Variants in ARID1B observed in about 807,000 individuals in gnomAD.
ARID1B encodes the protein AT-rich interaction domain 1B, also known as AT-rich interactive domain-containing protein 1B.
In ARID1B, 30 loss-of-function variants were observed where a neutral mutation model predicts 212.3. The ratio of observed to expected loss-of-function variants is 0.14; its 90% confidence interval spans 0.11 to 0.19. ARID1B has a LOEUF of 0.19. ARID1B is among the 10% of genes least tolerant of loss of function. The pLI is 1.00. For missense variants in ARID1B, 2,891 were observed against 3,204.0 expected (o/e 0.90, Z 2.36); for synonymous variants, 1,402 against 1,301.7 (o/e 1.08, Z -1.66).
intron 4 of ARID1B, among the ~76,000 whole-genome samples, chr6:157,054,053 C>T (rs74932995): frequency 0.28 from 42,144 of 151,938 alleles, 6,162 homozygotes; most frequent in Non-Finnish European, 0.32. Flanking sequence ...GGAGAAACCC[C>T]GTCTCTACTA....
chr6:156,918,498 C>A (rs962224634), intron 3 of ARID1B, among the ~76,000 whole-genome samples: 4 of 152,168 alleles, frequency 2.6e-5, no homozygotes, highest in African/African-American at 7.2e-5. Flanking sequence ...TCAGTAAAAA[C>A]CAGAATATAG....
chr6:156,963,411 T>C (rs1450478054), intron 4 of ARID1B, among the ~76,000 whole-genome samples: 1 of 152,246 alleles, frequency 6.6e-6, no homozygotes, highest in African/African-American at 2.4e-5. Context: ...AGTCGTATTC[T>C]ATGTACTGTT....
chr6:156,940,244 A>G (rs530142629), intron 4 of ARID1B: 21 of 152,294 alleles, frequency 1.4e-4, no homozygotes, highest in Admixed American at 1.2e-3. Flanking sequence ...TTCTATAAAT[A>G]TTGGCTGTTC....
intron 7 of ARID1B, among the ~76,000 whole-genome samples, chr6:157,145,594 T>G (rs1789668694): frequency 6.6e-6 from 1 of 152,220 alleles, no homozygotes; most frequent in African/African-American, 2.4e-5. Flanking sequence ...TGCAGATTTG[T>G]AGGTGATAGA....
chr6:157,180,072 A>T (rs924695876), intron 11 of ARID1B, among the ~76,000 whole-genome samples: 1 of 152,230 alleles, frequency 6.6e-6, no homozygotes, highest in African/African-American at 2.4e-5. Flanking sequence ...CTAGTATTGC[A>T]AATATTGTAA....
At chr6:156,878,436 G>A (rs1028430355) in intron 2 of ARID1B, among the ~76,000 whole-genome samples, 2 of 152,092 alleles carry the variant, frequency 1.3e-5, no homozygotes, top group Admixed American at 6.5e-5. Context: ...CCTCCATATC[G>A]CCCCACTGGC....
chr6:157,073,171 C>T (rs1013887261), intron 4 of ARID1B, among the ~76,000 whole-genome samples: 3 of 148,230 alleles, frequency 2.0e-5, no homozygotes, highest in Admixed American at 6.8e-5. Context: ...GGTACAATCT[C>T]GGCTCACTGC....
At chr6:156,790,253 T>G (rs1292036492) in intron 1 of ARID1B, among the ~76,000 whole-genome samples, 1 of 152,226 alleles carries the variant, frequency 6.6e-6, no homozygotes, top group Non-Finnish European at 1.5e-5. Context: ...CAGTAAACAT[T>G]TAGTGACGTT....
At chr6:156,988,466 T>C (rs183252394) in intron 4 of ARID1B, among the ~76,000 whole-genome samples, 17 of 152,284 alleles carry the variant, frequency 1.1e-4, no homozygotes, top group African/African-American at 4.1e-4. Context: ...GGCTAGTGCA[T>C]CCATGGAGTC....
At chr6:156,913,410 G>A (rs1372264823) in intron 3 of ARID1B, among the ~76,000 whole-genome samples, 2 of 151,512 alleles carry the variant, frequency 1.3e-5, no homozygotes, top group Non-Finnish European at 2.9e-5. Context: ...GTAGAGACAG[G>A]GTTTCACCAT....
intron 6 of ARID1B, among the ~76,000 whole-genome samples, chr6:157,123,507 G>A (rs1055655751): frequency 5.3e-5 from 8 of 152,206 alleles, no homozygotes; most frequent in Admixed American, 1.3e-4. Flanking sequence ...TAGAGGAGGC[G>A]TGGGACAGGC....
intron 4 of ARID1B, among the ~76,000 whole-genome samples, chr6:157,021,504 G>T (rs1325447417): frequency 6.6e-6 from 1 of 152,222 alleles, no homozygotes; most frequent in African/African-American, 2.4e-5. Context: ...CCCGGGCGGG[G>T]GTTCCGGTGC....
intron 2 of ARID1B, among the ~76,000 whole-genome samples, chr6:156,884,079 A>G (rs1308234678): frequency 6.6e-6 from 1 of 152,242 alleles, no homozygotes; most frequent in Non-Finnish European, 1.5e-5. Context: ...GGGAGCAAGA[A>G]AGTAATGTAT....
At chr6:156,923,047 G>A (rs974175030) in intron 3 of ARID1B, among the ~76,000 whole-genome samples, 2 of 152,198 alleles carry the variant, frequency 1.3e-5, no homozygotes, top group African/African-American at 4.8e-5. Context: ...CCATGTCATT[G>A]AAAAGCTGAT....
At chr6:157,122,838 C>T (rs963782643) in intron 6 of ARID1B, among the ~76,000 whole-genome samples, 1 of 152,202 alleles carries the variant, frequency 6.6e-6, no homozygotes, top group African/African-American at 2.4e-5. Context: ...ACCACCACAC[C>T]CAGCTAACTT....
At chr6:156,968,066 T>C (rs1033352166) in intron 4 of ARID1B, among the ~76,000 whole-genome samples, 1 of 152,228 alleles carries the variant, frequency 6.6e-6, no homozygotes, top group Admixed American at 6.5e-5. Flanking sequence ...TGCAGTCTCT[T>C]TCCTGCAGGG....
At chr6:156,940,448 A>AT (rs1792582124) in intron 4 of ARID1B, 2 of 152,222 alleles carry the variant, frequency 1.3e-5, no homozygotes, top group Non-Finnish European at 2.9e-5. Flanking sequence ...TAGATAAAAC[A>AT]TATGTTTTTT....
At chr6:157,172,154 T>C (rs1213503235) in intron 9 of ARID1B, among the ~76,000 whole-genome samples, 1 of 152,214 alleles carries the variant, frequency 6.6e-6, no homozygotes, top group Non-Finnish European at 1.5e-5. Context: ...TATCCTTCTA[T>C]TCTTCTGAAA....
chr6:156,797,980 T>C (rs1054120874), intron 1 of ARID1B, among the ~76,000 whole-genome samples: 1 of 152,182 alleles, frequency 6.6e-6, no homozygotes, highest in Admixed American at 6.5e-5. Flanking sequence ...CACTGAGGAA[T>C]GCCCAGTAAG....
Sources: gnomAD v4.1 joint callset for allele counts (sites outside exome capture counted in the v4.1 genomes callset) on GRCh38, gnomAD v4.1.1 for gene constraint, MANE v1.5 for transcripts, NCBI Gene and HGNC (gene_info 2026-07-23, HGNC 2026-07-21) for gene names.